BZW2: variants seen among roughly 807,000 people sequenced by gnomAD.
The protein encoded by BZW2 is eIF5-mimic protein 1.
A neutral mutation model predicts 53.2 loss-of-function variants in BZW2; 23 were observed. The ratio of observed to expected loss-of-function variants is 0.43; its 90% CI spans 0.31 to 0.61. The LOEUF (loss-of-function observed/expected upper bound fraction) is 0.61. BZW2 is among the 20% of genes least tolerant of loss of function. The pLI, the probability that BZW2 is intolerant of heterozygous loss-of-function variation, is 0.09. For synonymous variants in BZW2, 227 were observed against 186.4 expected (o/e 1.22, Z -1.77); for missense variants, 409 against 503.1 (o/e 0.81, Z 1.79).
intron 2 of BZW2, among the ~76,000 whole-genome samples, chr7:16,666,121 G>T (rs761319731): frequency 1.3e-5 from 2 of 151,968 alleles, no homozygotes; most frequent in African/African-American, 4.8e-5. Flanking sequence ...TAGAGACAGG[G>T]TCTTGCACTG....
At chr7:16,655,184 T>C (rs1782091986) in intron 1 of BZW2, among the ~76,000 whole-genome samples, 2 of 152,204 alleles carry the variant, frequency 1.3e-5, no homozygotes, top group Non-Finnish European at 2.9e-5. Context: ...TTTCTCATCA[T>C]TGAGTATAGT....
chr7:16,678,182 G>C (rs1411420781), intron 3 of BZW2, among the ~76,000 whole-genome samples: 1 of 144,080 alleles, frequency 6.9e-6, no homozygotes, highest in East Asian at 2.1e-4. Flanking sequence ...CAATTATCTC[G>C]AGTAGCCGGG....
At chr7:16,661,552 C>T (rs1782261549) in intron 1 of BZW2, among the ~76,000 whole-genome samples, 3 of 152,078 alleles carry the variant, frequency 2.0e-5, no homozygotes. Flanking sequence ...GACCTAAAAA[C>T]CTTTCAATTT....
chr7:16,666,419 T>C (rs867055121), intron 2 of BZW2, among the ~76,000 whole-genome samples: 1 of 150,904 alleles, frequency 6.6e-6, no homozygotes, highest in Non-Finnish European at 1.5e-5. Context: ...ATTTATTTAT[T>C]TAGAGACGGA....
intron 2 of BZW2, among the ~76,000 whole-genome samples, chr7:16,673,219 T>C (rs188337797): frequency 1.3e-5 from 2 of 152,174 alleles, no homozygotes; most frequent in African/African-American, 4.8e-5. Flanking sequence ...GTGCTGGGAT[T>C]ACAGGCGTGA....
chr7:16,646,328 G>A (rs969745149), intron 1 of BZW2, 40 bp downstream of exon 1: 3 of 164,258 alleles, frequency 1.8e-5, no homozygotes, highest in African/African-American at 7.2e-5. Flanking sequence ...CGCCGTGAGG[G>A]TTGCGAGAGT....
chr7:16,683,001 G>T (rs557532263), intron 5 of BZW2, among the ~76,000 whole-genome samples, 156 bp downstream of exon 5: 19 of 152,144 alleles, frequency 1.2e-4, no homozygotes, highest in African/African-American at 3.9e-4. Flanking sequence ...TTTAAGACCA[G>T]CCTGGCCAAG....
chr7:16,681,931 G>C (rs910176035), intron 4 of BZW2, among the ~76,000 whole-genome samples: 1 of 152,066 alleles, frequency 6.6e-6, no homozygotes, highest in African/African-American at 2.4e-5. Flanking sequence ...CGTTTTTCTT[G>C]TATACATGTT....
chr7:16,679,587 T>C (rs899947274), intron 3 of BZW2, among the ~76,000 whole-genome samples: 2 of 152,238 alleles, frequency 1.3e-5, no homozygotes, highest in Non-Finnish European at 2.9e-5. Flanking sequence ...CATTTGCCTA[T>C]GCCTGCTAAG....
In BZW2 at chr7:16,674,491, A is replaced by G; in HGVS notation, c.138A>G (p.Glu46=). 6.2e-7 allele frequency: 1 copy of G among 1,613,728 alleles called. No individual in the cohort carries two copies. Among genetic ancestry groups the G allele is most frequent in the Non-Finnish European group, 8.5e-7 (1 of 1,179,738 alleles). ...QGLNEAGDDL[E]AVAKFLDSTG... is the part of the protein sequence containing the mutation. Reference sequence around the variant, plus strand: ...TTAATGAGGCTGGTGATGACCTTGAAGCTGTAGCCAAATTTCTGGACTCTA... The same window carrying G: ...TTAATGAGGCTGGTGATGACCTTGAGGCTGTAGCCAAATTTCTGGACTCTA... The change falls in exon 3 of 12, where the codon GAA becomes GAG. Residue 46 remains glutamate, a synonymous_variant. Coordinates refer to ENST00000258761, the MANE Select transcript of BZW2 (RefSeq NM_014038.3).
At chr7:16,704,169 T>C (rs1783760839) in intron 10 of BZW2, among the ~76,000 whole-genome samples, 2 of 152,202 alleles carry the variant, frequency 1.3e-5, no homozygotes, top group Admixed American at 1.3e-4. Flanking sequence ...TTAATCAAGA[T>C]ATGGTTGAAC....
chr7:16,674,512 C>T lies in BZW2; in HGVS notation c.159C>T (p.Asp53=), dbSNP rs1167339809. The part of the protein sequence containing the change: ...DDLEAVAKFL[D]STGSRLDYRR... ...TTGAAGCTGTAGCCAAATTTCTGGA[C>T]TCTACAGGCTCAAGATTAGATTATC... The change falls in exon 3 of 12, where the codon GAC becomes GAT. Residue 53 remains aspartate (D), a synonymous_variant. Transcript: ENST00000258761. 2 of 1,612,944 alleles carry T rather than the reference C, an allele frequency of 1.2e-6. No homozygotes were observed. Among genetic ancestry groups the T allele is most frequent in the African/African-American group, 1.3e-5 (1 of 74,884 alleles).
chr7:16,668,902 T>C (rs1392163116), intron 2 of BZW2, among the ~76,000 whole-genome samples: 2 of 152,236 alleles, frequency 1.3e-5, no homozygotes, highest in East Asian at 3.8e-4. Context: ...TGTTTTTTCC[T>C]GTGACTTGTG....
At position 16,686,015 on chromosome 7, in the gene BZW2, C is replaced by T. The variant is rs1318972008; in HGVS notation, c.516C>T (p.Leu172=). The T allele has an allele frequency of 6.8e-6, 11 of 1,611,328 alleles. No individual in the cohort carries two copies. The highest frequency in any genetic ancestry group is 1.3e-5 in the African/African-American group (1 of 74,918). Residue 172 remains leucine (L), a synonymous_variant, in exon 6 of 12, where the codon CTC becomes CTT. Transcript: ENST00000258761. The part of the protein sequence containing the change: ...GTLPATILTS[L]FTDSLVKEGI... ...TGCCCGCCACCATCCTCACCAGTCT[C>T]TTCACCGACAGCTTAGTCAAAGAAG...
intron 5 of BZW2, among the ~76,000 whole-genome samples, chr7:16,683,793 A>G (rs1375040685): frequency 1.3e-5 from 2 of 152,220 alleles, no homozygotes; most frequent in East Asian, 1.9e-4. Context: ...TATCTAAAGT[A>G]AAAAACCAAG....
At chr7:16,666,373 G>A (rs1782426748) in intron 2 of BZW2, among the ~76,000 whole-genome samples, 4 of 127,706 alleles carry the variant, frequency 3.1e-5, no homozygotes, top group South Asian at 2.7e-4. Context: ...CACTGCACCT[G>A]GCCTGTATAA....
At chr7:16,702,209 C>T (rs954812868) in intron 10 of BZW2, among the ~76,000 whole-genome samples, 5 of 152,108 alleles carry the variant, frequency 3.3e-5, no homozygotes. Flanking sequence ...ATTCTTTGTC[C>T]CTCAAGGAGT....
At position 16,669,043 on chromosome 7, in the gene BZW2, G is replaced by A. The variant is rs139555601; in HGVS notation, c.58+3542G>A. 1.8e-3 allele frequency among the ~76,000 whole-genome samples: 278 copies of A among 152,294 alleles called. 1 individual carries two copies. The highest frequency in any genetic ancestry group is 6.2e-3 in the African/African-American group (258 of 41,578). The stretch of plus-strand genomic sequence containing the variant: ...TGGATTACAATTAGTGAAAACAAGA[G>A]AGAGAAAAAAAGGCCAAACTGCAGG... On this transcript the variant is annotated intron_variant, in intron 2 of 11. Transcript: ENST00000258761.
At chr7:16,694,119 ACTGAGATT>A (rs1783407582) in intron 7 of BZW2, among the ~76,000 whole-genome samples, 1 of 152,234 alleles carries the variant, frequency 6.6e-6, no homozygotes, top group Non-Finnish European at 1.5e-5. Context: ...ACTAAGTGTT[ACTGAGATT>A]CTGCCAAACT....
Sources: gnomAD v4.1 joint callset for allele counts (sites outside exome capture counted in the v4.1 genomes callset) on GRCh38, gnomAD v4.1.1 for gene constraint, MANE v1.5 for transcripts, NCBI Gene and HGNC (gene_info 2026-07-23, HGNC 2026-07-21) for gene names.